TPM3: variants seen among roughly 807,000 people sequenced by gnomAD.
TPM3 encodes the protein tropomyosin alpha-3 chain.
Under a neutral mutation model 43.1 loss-of-function variants are expected in TPM3, and 16 were observed. That is an observed-to-expected ratio of 0.37 (90% confidence interval 0.25 to 0.56). The LOEUF is 0.56. TPM3 is among the 20% of genes least tolerant of loss of function. The pLI is 0.77. For missense variants in TPM3, 176 were observed against 337.2 expected, an observed-to-expected ratio of 0.52 and a Z score of 3.74; for synonymous variants, 101 against 116.9, an observed-to-expected ratio of 0.86 and a Z score of 0.88.
In TPM3 at chr1:154,165,511, G is replaced by A. The variant is rs1179530939; in HGVS notation, c.*2426C>T. ...AATATGCAAGTTTAACATGTTGGCTGGGCGCAGTGGCTCAAGCCTGTAATC... is the reference window on the plus strand; with the variant it reads ...AATATGCAAGTTTAACATGTTGGCTAGGCGCAGTGGCTCAAGCCTGTAATC... On this transcript the variant is annotated 3_prime_UTR_variant, in exon 10 of 10. Coordinates refer to ENST00000651641, the MANE Select transcript of TPM3 (RefSeq NM_152263.4). Among the ~76,000 whole-genome samples the A allele has an allele frequency of 1.3e-5, 2 of 149,276 alleles. No individual in the cohort carries two copies. The highest frequency in any genetic ancestry group is 4.9e-5 in the African/African-American group (2 of 40,520).
intron 2 of TPM3, chr1:154,183,303 A>C: frequency 1.3e-6 from 2 of 1,489,042 alleles, no homozygotes; most frequent in Admixed American, 4.1e-5. Context: ...AGTCCACTGG[A>C]GGGAGAGCCG....
Position 154,174,070 on chromosome 1 carries a change from C to T in TPM3, c.378-869G>A, listed in dbSNP as rs143842172. 5.4e-3 allele frequency among the ~76,000 whole-genome samples: 819 copies of T among 151,660 alleles called. 14 individuals are homozygous for T. The highest frequency in any genetic ancestry group is 0.019 in the African/African-American group (771 of 41,350). On this transcript the variant is annotated intron_variant, in intron 3 of 9. Transcript: ENST00000651641. ...ATATACAGCTGGGCGTGGTGGCTCA[C>T]GCCTGTAATCCCAGCACTTTGGGAG...
Position 154,167,911 on chromosome 1 carries a change from C to T in TPM3, c.*26G>A. ...TCCCCGAGGAGTAAAGGGGGCAGAT[C>T]CAGAACAGAGCAGAAACGGTGATAA... On this transcript the variant is annotated 3_prime_UTR_variant, in exon 10 of 10. Coordinates refer to ENST00000651641, the MANE Select transcript of TPM3 (RefSeq NM_152263.4). 6.2e-7 allele frequency: 1 copy of T among 1,613,858 alleles called. No homozygotes were observed. The highest frequency in any genetic ancestry group is 8.5e-7 in the Non-Finnish European group (1 of 1,179,962).
chr1:154,158,939 A>T, downstream of TPM3: 2 of 779,582 alleles, frequency 2.6e-6, no homozygotes, highest in Non-Finnish European at 4.8e-6. Flanking sequence ...CAGTAAGCTC[A>T]GTTTAATGGG....
At chr1:154,173,054 T>C (rs201535245) in intron 4 of TPM3, 30 bp downstream of exon 4, 7 of 1,613,910 alleles carry the variant, frequency 4.3e-6, no homozygotes, top group East Asian at 2.2e-5. Flanking sequence ...AAAAGGCCGA[T>C]ACGAGAGGGA....
intron 2 of TPM3, chr1:154,183,852 CTTTTTTTTTTT>C (rs556708488): frequency 4.0e-5 from 4 of 99,326 alleles, no homozygotes; most frequent in East Asian, 3.1e-4. Context: ...GACTTTTCTC[CTTTTTTTTTTT>C]TTTTTTTTTT....
At chr1:154,171,239 C>T in intron 6 of TPM3, 174 bp downstream of exon 6, 1 of 710,212 alleles carries the variant, frequency 1.4e-6, no homozygotes, top group Non-Finnish European at 2.5e-6. Context: ...TTAATTAAAG[C>T]AATCAAAGTG....
chr1:154,179,021 G>C (rs1662652931), intron 2 of TPM3, among the ~76,000 whole-genome samples: 1 of 152,230 alleles, frequency 6.6e-6, no homozygotes, highest in Non-Finnish European at 1.5e-5. Context: ...CTCTCAGGCA[G>C]AACAGGGCCA....
At chr1:154,177,417 A>C (rs1171228803) in intron 2 of TPM3, among the ~76,000 whole-genome samples, 1 of 152,144 alleles carries the variant, frequency 6.6e-6, no homozygotes, top group African/African-American at 2.4e-5. Flanking sequence ...TTAGAGTCCA[A>C]GTAAACCCAT....
At chr1:154,186,716 T>C (rs1221982881) in intron 2 of TPM3, among the ~76,000 whole-genome samples, 1 of 151,684 alleles carries the variant, frequency 6.6e-6, no homozygotes, top group Non-Finnish European at 1.5e-5. Flanking sequence ...AATTAGACAT[T>C]TAAAAATGGT....
At position 154,165,604 on chromosome 1, in the gene TPM3, C is replaced by T. The variant is rs1236394184; in HGVS notation, c.*2333G>A. On this transcript the variant is annotated 3_prime_UTR_variant, in exon 10 of 10. Coordinates refer to ENST00000651641, the MANE Select transcript of TPM3 (RefSeq NM_152263.4). ...AGGAGTTCCAGACCAGCCTGGCCAA[C>T]ATGGTGAAACCTCACCTCTACTAAT... is the stretch of plus-strand genomic sequence containing the variant. 4.0e-5 allele frequency among the ~76,000 whole-genome samples: 6 copies of T among 151,846 alleles called. No individual in the cohort carries two copies. The highest frequency in any genetic ancestry group is 8.8e-5 in the Non-Finnish European group (6 of 67,978).
chr1:154,183,134 T>C, intron 2 of TPM3: 2 of 1,597,990 alleles, frequency 1.3e-6, no homozygotes, highest in Non-Finnish European at 1.7e-6. Flanking sequence ...CCCACCCAGC[T>C]ACTGCTCGCG....
intron 6 of TPM3, 47 bp from the exon 7 acceptor site, chr1:154,170,758 C>T: frequency 2.5e-6 from 3 of 1,221,966 alleles, no homozygotes; most frequent in Non-Finnish European, 3.6e-6. Flanking sequence ...ATTAGTCACA[C>T]AGGCAATACC....
intron 3 of TPM3, 33 bp from the exon 4 acceptor site, chr1:154,173,234 C>A (rs1661804622): frequency 1.9e-6 from 3 of 1,582,408 alleles, no homozygotes; most frequent in Non-Finnish European, 2.6e-6. Context: ...AATACTGACA[C>A]CCTGAGGAGT....
chr1:154,173,062 G>GC, intron 4 of TPM3, 22 bp downstream of exon 4: 5 of 1,613,658 alleles, frequency 3.1e-6, no homozygotes, highest in Non-Finnish European at 4.2e-6. Context: ...GATACGAGAG[G>GC]GACTAACAGA....
intron 8 of TPM3, 87 bp from the exon 9 acceptor site, chr1:154,169,470 T>C: frequency 7.2e-7 from 1 of 1,390,000 alleles, no homozygotes; most frequent in South Asian, 1.2e-5. Flanking sequence ...TCATTAGAAA[T>C]TAGGAAAGTG....
intron 2 of TPM3, among the ~76,000 whole-genome samples, chr1:154,185,056 C>T (rs866046679): frequency 7.2e-5 from 11 of 152,082 alleles, no homozygotes; most frequent in Admixed American, 2.6e-4. Flanking sequence ...CAAGTACCCC[C>T]AAGGAACTGT....
At chr1:154,191,064 T>C (rs1663658892) in intron 2 of TPM3, 122 bp downstream of exon 2, 1 of 1,484,898 alleles carries the variant, frequency 6.7e-7, no homozygotes. Context: ...TATGCAAAAA[T>C]GTATGTGAGT....
rs1405429663 is a variant in TPM3 at position 154,165,486 on chromosome 1, A to G, written c.*2451T>C. Among the ~76,000 whole-genome samples the G allele has an allele frequency of 1.3e-5, 2 of 151,190 alleles. No homozygotes were observed. The highest frequency in any genetic ancestry group is 4.9e-5 in the African/African-American group (2 of 41,152). Reference sequence around the variant, plus strand: ...CCACTTTTGGAACCCAATAAAAATGAATATGCAAGTTTAACATGTTGGCTG... The same window carrying G: ...CCACTTTTGGAACCCAATAAAAATGGATATGCAAGTTTAACATGTTGGCTG... On this transcript the variant is annotated 3_prime_UTR_variant, in exon 10 of 10. Coordinates refer to ENST00000651641, the MANE Select transcript of TPM3 (RefSeq NM_152263.4).
Sources: allele counts gnomAD v4.1 joint callset (sites outside exome capture counted in the v4.1 genomes callset), GRCh38; gene constraint gnomAD v4.1.1; transcripts MANE v1.5; gene names NCBI Gene and HGNC (gene_info 2026-07-23, HGNC 2026-07-21).